CSTPP1: variants seen among roughly 807,000 people sequenced by gnomAD.
CSTPP1 encodes the protein centriolar satellite-associated tubulin polyglutamylase complex regulator 1.
chr11:47,143,284 G>C, the CSTPP1 span, among the ~76,000 whole-genome samples: 2 of 152,302 alleles, frequency 1.3e-5, no homozygotes, highest in East Asian at 3.9e-4. Flanking sequence ...CATCTGATCA[G>C]AACTGCAAAT....
chr11:47,063,683 T>TCAG, the CSTPP1 span, among the ~76,000 whole-genome samples: 35 of 152,360 alleles, frequency 2.3e-4, 1 homozygote, highest in Non-Finnish European at 4.7e-4. Context: ...TGAATAATAT[T>TCAG]CCATTGTGTG....
the CSTPP1 span, among the ~76,000 whole-genome samples, chr11:47,101,478 T>C: frequency 6.6e-6 from 1 of 151,958 alleles, no homozygotes; most frequent in Non-Finnish European, 1.5e-5. Context: ...AATATGAATT[T>C]CCCATGTTAC....
the CSTPP1 span, among the ~76,000 whole-genome samples, chr11:47,136,743 G>A: frequency 6.6e-6 from 1 of 152,198 alleles, no homozygotes; most frequent in East Asian, 1.9e-4. Flanking sequence ...GCAGGCTTCC[G>A]GGTGGATTGC....
chr11:46,978,202 CA>C, the CSTPP1 span, among the ~76,000 whole-genome samples: 1 of 152,076 alleles, frequency 6.6e-6, no homozygotes, highest in South Asian at 2.1e-4. Flanking sequence ...GGACATCCAA[CA>C]AAGAAGATAA....
the CSTPP1 span, among the ~76,000 whole-genome samples, chr11:47,033,792 C>T: frequency 6.6e-6 from 1 of 152,132 alleles, no homozygotes; most frequent in Non-Finnish European, 1.5e-5. Context: ...CAGTCCTTTC[C>T]AACAGAGTAC....
chr11:47,110,975 C>T, the CSTPP1 span, among the ~76,000 whole-genome samples: 159 of 150,546 alleles, frequency 1.1e-3, 2 homozygotes, highest in Non-Finnish European at 1.2e-4. Context: ...CTGCAAGCTC[C>T]GCCTCCCGGG....
At chr11:47,008,245 G>A in the CSTPP1 span, among the ~76,000 whole-genome samples, 1 of 152,158 alleles carries the variant, frequency 6.6e-6, no homozygotes, top group Non-Finnish European at 1.5e-5. Context: ...GATTACAGGT[G>A]TGAGCCACCG....
At chr11:47,049,482 C>A in the CSTPP1 span, among the ~76,000 whole-genome samples, 1 of 151,382 alleles carries the variant, frequency 6.6e-6, no homozygotes, top group African/African-American at 2.4e-5. Context: ...ACTAAAAATC[C>A]AAAAAAATAG....
chr11:46,982,578 A>G, the CSTPP1 span, among the ~76,000 whole-genome samples: 2 of 152,140 alleles, frequency 1.3e-5, no homozygotes, highest in Non-Finnish European at 2.9e-5. Flanking sequence ...TATGGTATTT[A>G]TGCTTGGGAA....
the CSTPP1 span, chr11:47,137,289 C>T: frequency 1.3e-5 from 17 of 1,320,726 alleles, no homozygotes; most frequent in East Asian, 3.0e-4. Context: ...CAAATTTAAC[C>T]GGCTTTGAAA....
At chr11:47,021,485 A>G in the CSTPP1 span, among the ~76,000 whole-genome samples, 1 of 152,146 alleles carries the variant, frequency 6.6e-6, no homozygotes, top group East Asian at 1.9e-4. Flanking sequence ...TACCCTTTTC[A>G]AACAGCTATT....
the CSTPP1 span, among the ~76,000 whole-genome samples, chr11:46,975,273 T>C: frequency 6.6e-6 from 1 of 152,112 alleles, no homozygotes; most frequent in African/African-American, 2.4e-5. Flanking sequence ...CATGACCCTC[T>C]CTCAAAAAAA....
At chr11:46,971,022 A>G in the CSTPP1 span, among the ~76,000 whole-genome samples, 1 of 152,236 alleles carries the variant, frequency 6.6e-6, no homozygotes, top group Admixed American at 6.5e-5. Context: ...ACATATGTAT[A>G]GTGTCATTAC....
At chr11:47,096,044 T>C in the CSTPP1 span, among the ~76,000 whole-genome samples, 11 of 152,214 alleles carry the variant, frequency 7.2e-5, no homozygotes, top group African/African-American at 2.4e-4. Context: ...GTCTGGGGTA[T>C]GGCCAGAGAA....
chr11:46,953,651 G>A, the CSTPP1 span, among the ~76,000 whole-genome samples: 1 of 152,128 alleles, frequency 6.6e-6, no homozygotes, highest in Non-Finnish European at 1.5e-5. Context: ...TATTATATAT[G>A]TATAAAACAA....
At chr11:47,161,086 G>C in the CSTPP1 span, 1,615 of 1,613,300 alleles carry the variant, frequency 1.0e-3, 1 homozygote, top group Non-Finnish European at 1.2e-3. Flanking sequence ...CCTGGCTGAA[G>C]GGCCCTCAGA....
At chr11:47,025,464 T>C in the CSTPP1 span, among the ~76,000 whole-genome samples, 3 of 152,234 alleles carry the variant, frequency 2.0e-5, no homozygotes, top group Non-Finnish European at 2.9e-5. Context: ...CCAAGGAGAC[T>C]TGGCCTATTA....
At chr11:47,036,179 A>C in the CSTPP1 span, among the ~76,000 whole-genome samples, 5 of 56,120 alleles carry the variant, frequency 8.9e-5, 1 homozygote, top group Middle Eastern at 8.1e-3. Flanking sequence ...ATAATATATA[A>C]ATATATATTT....
the CSTPP1 span, chr11:47,160,030 T>C: frequency 8.4e-6 from 2 of 238,814 alleles, no homozygotes; most frequent in African/African-American, 2.3e-5. Flanking sequence ...TAGCCAGACA[T>C]GGTGGCTCCA....
Sources: allele counts gnomAD v4.1 joint callset (sites outside exome capture counted in the v4.1 genomes callset), GRCh38; gene constraint gnomAD v4.1.1; transcripts MANE v1.5; gene names NCBI Gene and HGNC (gene_info 2026-07-23, HGNC 2026-07-21).